The following DCC variants were observed in gnomAD, a reference collection of about 807,000 sequenced individuals.
DCC encodes the protein netrin receptor DCC.
DCC carries 58 observed loss-of-function variants against 172.5 expected under a neutral mutation model. The ratio of observed to expected loss-of-function variants is 0.34; its 90% CI spans 0.27 to 0.42. The LOEUF (loss-of-function observed/expected upper bound fraction) is 0.42, where lower values mean the gene tolerates loss of function less well. DCC is among the 10% of genes least tolerant of loss of function. DCC has a pLI of 1.00. For synonymous variants in DCC, 709 were observed against 644.5 expected, an observed-to-expected ratio of 1.10 and a Z score of -1.52; for missense variants, 1,740 against 1,791.0, an observed-to-expected ratio of 0.97 and a Z score of 0.51.
At position 53,411,192 on chromosome 18, in the gene DCC, A is replaced by G. The variant is rs141219878; in HGVS notation, c.3130+546A>G. 1.3e-4 allele frequency among the ~76,000 whole-genome samples: 20 copies of G among 152,232 alleles called. 1 individual carries two copies. The East Asian group carries it at 3.5e-3, about 26-fold the overall frequency. On this transcript the variant is annotated intron_variant, in intron 20 of 28. Coordinates refer to ENST00000442544, the MANE Select transcript of DCC (RefSeq NM_005215.4). ...TTCATACAGAGAAACACTAAAGCTG[A>G]ATAGTAGTGATTACATCAAAATATT...
At chr18:52,751,345 A>G (rs62081899) in intron 1 of DCC, among the ~76,000 whole-genome samples, 31,908 of 152,098 alleles carry the variant, frequency 0.21, 4,782 homozygotes, top group African/African-American at 0.42. Context: ...TCTTAAATGA[A>G]TTTCTATTAC....
intron 5 of DCC, among the ~76,000 whole-genome samples, chr18:52,947,026 G>T (rs143476776): frequency 0.011 from 1,711 of 152,162 alleles, 41 homozygotes; most frequent in African/African-American, 0.04. Context: ...TTGCCCTGTT[G>T]GGTCTTATCT....
At chr18:52,519,587 G>T (rs2031745332) in intron 1 of DCC, among the ~76,000 whole-genome samples, 2 of 152,162 alleles carry the variant, frequency 1.3e-5, no homozygotes, top group South Asian at 4.1e-4. Context: ...AACAGGTAAA[G>T]CAAAGTTAAA....
chr18:52,912,735 A>C (rs1362609286), intron 3 of DCC, among the ~76,000 whole-genome samples: 1 of 152,004 alleles, frequency 6.6e-6, no homozygotes, highest in African/African-American at 2.4e-5. Context: ...TAGTTTCCTT[A>C]TCTGTTAAGA....
chr18:52,457,412 A>G (rs1452520202), intron 1 of DCC, among the ~76,000 whole-genome samples: 1 of 152,202 alleles, frequency 6.6e-6, no homozygotes, highest in Non-Finnish European at 1.5e-5. Flanking sequence ...CATGTATCAA[A>G]TATATCTACT....
At chr18:52,485,902 A>C (rs2030194774) in intron 1 of DCC, among the ~76,000 whole-genome samples, 1 of 152,164 alleles carries the variant, frequency 6.6e-6, no homozygotes, top group Non-Finnish European at 1.5e-5. Flanking sequence ...TAGATCATAA[A>C]TATCATATAA....
chr18:52,505,816 G>T (rs1199311411), intron 1 of DCC, among the ~76,000 whole-genome samples: 1 of 152,082 alleles, frequency 6.6e-6, no homozygotes, highest in Non-Finnish European at 1.5e-5. Context: ...CCCCTCATGG[G>T]CACATCTGAT....
intron 5 of DCC, among the ~76,000 whole-genome samples, chr18:53,055,623 A>G (rs7227450): frequency 0.039 from 6,001 of 152,246 alleles, 371 homozygotes; most frequent in African/African-American, 0.13. Flanking sequence ...CTAAATGTTT[A>G]GACAGTATAG....
intron 2 of DCC, among the ~76,000 whole-genome samples, chr18:52,827,110 G>T (rs191460399): frequency 2.0e-5 from 3 of 152,230 alleles, no homozygotes; most frequent in Non-Finnish European, 2.9e-5. Context: ...GACTTTATAC[G>T]TGAATGATCA....
chr18:52,928,444 T>A (rs8098649), intron 5 of DCC, among the ~76,000 whole-genome samples: 59,698 of 152,028 alleles, frequency 0.39, 12,336 homozygotes, highest in Non-Finnish European at 0.47. Context: ...AATAAAAGTT[T>A]AAAAAATTGA....
At chr18:52,755,589 C>T (rs2037065119) in intron 2 of DCC, among the ~76,000 whole-genome samples, 1 of 152,130 alleles carries the variant, frequency 6.6e-6, no homozygotes, top group Non-Finnish European at 1.5e-5. Flanking sequence ...TGCCAAACCA[C>T]TAGAATTCAC....
At chr18:52,504,857 C>A (rs2031172351) in intron 1 of DCC, among the ~76,000 whole-genome samples, 1 of 152,086 alleles carries the variant, frequency 6.6e-6, no homozygotes, top group Non-Finnish European at 1.5e-5. Flanking sequence ...CTGTCTACAG[C>A]AATCCGACAA....
chr18:52,722,340 A>G (rs1019547668), intron 1 of DCC, among the ~76,000 whole-genome samples: 1 of 152,212 alleles, frequency 6.6e-6, no homozygotes, highest in African/African-American at 2.4e-5. Flanking sequence ...TGGCAGAGAT[A>G]GAGATGGCTT....
intron 1 of DCC, among the ~76,000 whole-genome samples, chr18:52,581,629 T>TA (rs1351422193): frequency 6.6e-6 from 1 of 152,120 alleles, no homozygotes; most frequent in Non-Finnish European, 1.5e-5. Context: ...GCCTCTTTCT[T>TA]ACTACTGTTT....
chr18:52,574,549 G>A (rs915257532), intron 1 of DCC, among the ~76,000 whole-genome samples: 12 of 152,088 alleles, frequency 7.9e-5, no homozygotes, highest in Admixed American at 3.3e-4. Flanking sequence ...CCAGAATTTC[G>A]GAAGTGAATT....
At chr18:53,267,360 T>C (rs2056692150) in intron 12 of DCC, among the ~76,000 whole-genome samples, 1 of 152,124 alleles carries the variant, frequency 6.6e-6, no homozygotes, top group South Asian at 2.1e-4. Flanking sequence ...CTAACTTTTG[T>C]ATTTTTAGCA....
rs772090965 is a variant in DCC at position 53,450,613 on chromosome 18, G to T, written c.3343G>T (p.Val1115Phe). Residue 1115 changes from valine (V) to phenylalanine (F), a missense_variant, in exon 23 of 29, where the codon GTC becomes TTC. Physicochemically the swap from Val to Phe is conservative, Grantham distance 50. Transcript: ENST00000442544. ...TVGVITVLVV[V>F]IVAVICTRRS... ...TGGTGTCATCACAGTGCTGGTAGTG[G>T]TCATCGTGGCTGTGATTTGCACCCG... 3.1e-6 allele frequency: 5 copies of T among 1,611,678 alleles called. No homozygotes were observed. Among genetic ancestry groups the T allele is most frequent in the Admixed American group, 1.7e-5 (1 of 59,826 alleles).
At chr18:53,117,002 T>C (rs1002917268) in intron 7 of DCC, among the ~76,000 whole-genome samples, 1 of 151,696 alleles carries the variant, frequency 6.6e-6, no homozygotes, top group Admixed American at 6.6e-5. Context: ...CAAATTCACA[T>C]TGAACTATTT....
chr18:53,336,902 A>C (rs2057597923), intron 14 of DCC, among the ~76,000 whole-genome samples: 1 of 152,216 alleles, frequency 6.6e-6, no homozygotes, highest in Non-Finnish European at 1.5e-5. Flanking sequence ...AAAACTAATT[A>C]GGATTTAGAT....
Sources: gnomAD v4.1 joint callset for allele counts (sites outside exome capture counted in the v4.1 genomes callset) on GRCh38, gnomAD v4.1.1 for gene constraint, MANE v1.5 for transcripts, NCBI Gene and HGNC (gene_info 2026-07-23, HGNC 2026-07-21) for gene names.